Variants in RNF17 observed in about 807,000 individuals in gnomAD.
The protein encoded by RNF17 is ring finger protein 17.
RNF17 carries 31 observed loss-of-function variants against 200.5 expected under a neutral mutation model. The ratio of observed to expected loss-of-function variants is 0.15; its 90% confidence interval spans 0.12 to 0.21. The LOEUF (loss-of-function observed/expected upper bound fraction) is 0.21, where lower values mean the gene tolerates loss of function less well. Among genes scored for constraint, RNF17 ranks in the 10% least tolerant of loss-of-function variants. The pLI is 1.00. For missense variants in RNF17, 1,628 were observed against 1,905.1 expected, an observed-to-expected ratio of 0.85 and a Z score of 2.71; for synonymous variants, 606 against 637.8, an observed-to-expected ratio of 0.95 and a Z score of 0.75.
chr13:24,782,924 G>A (rs935824720), intron 6 of RNF17, among the ~76,000 whole-genome samples: 57 of 151,898 alleles, frequency 3.8e-4, no homozygotes, highest in African/African-American at 1.3e-3. Context: ...CCAGTTTATT[G>A]TTTCTTTTGT....
chr13:24,864,408 T>G (rs1018193602), intron 28 of RNF17, among the ~76,000 whole-genome samples: 3 of 152,184 alleles, frequency 2.0e-5, no homozygotes, highest in Non-Finnish European at 4.4e-5. Context: ...AGGGACACAT[T>G]CAGCACCCAA....
In RNF17 at chr13:24,861,250, G is replaced by A. The variant is rs776374476; in HGVS notation, c.3775-18G>A. On this transcript the variant is annotated intron_variant, in intron 26 of 35. Coordinates refer to ENST00000255324, the MANE Select transcript of RNF17 (RefSeq NM_031277.3). ...TAATAATAAATTTTAACTATAAATT[G>A]TATTTGTCGTGTTTCAGGTACAATA... 1.9e-6 allele frequency: 3 copies of A among 1,559,344 alleles called. No homozygotes were observed. The highest frequency in any genetic ancestry group is 1.4e-5 in the African/African-American group (1 of 71,582).
chr13:24,802,232 G>A (rs1041348072), intron 13 of RNF17, 149 bp from the exon 14 acceptor site: 10 of 586,236 alleles, frequency 1.7e-5, no homozygotes, highest in East Asian at 6.3e-5. Context: ...GAGTCACCAC[G>A]CCCGGCTGCC....
rs566277649 is a variant in RNF17 at position 24,767,275 on chromosome 13, A to G, written c.134A>G (p.His45Arg). Residue 45 changes from histidine (H) to arginine (R), a missense_variant, in exon 2 of 36, where the codon CAC becomes CGC. Physicochemically the swap from His to Arg is conservative, Grantham distance 29 (BLOSUM62 0). This residue lies in a region of RNF17 where 502 missense variants were observed against 501.7 expected (regional missense o/e 1.00). Coordinates refer to ENST00000255324, the MANE Select transcript of RNF17 (RefSeq NM_031277.3). ...CGRRVSRSSG[H>R]HCELQCGHAF... The stretch of plus-strand genomic sequence containing the variant: ...TAATTAAGAATTTCATCAATAGGTC[A>G]CCATTGTGAACTTCAATGTGGACAT... 187 of 1,586,420 alleles carry G rather than the reference A, an allele frequency of 1.2e-4. 1 individual carries two copies. Among genetic ancestry groups the G allele is most frequent in the Middle Eastern group, 5.0e-4 (3 of 5,988 alleles).
intron 22 of RNF17, among the ~76,000 whole-genome samples, chr13:24,849,576 C>T (rs1196715162): frequency 1.3e-5 from 2 of 152,220 alleles, no homozygotes; most frequent in South Asian, 2.1e-4. Context: ...TCAGTTTCAA[C>T]TCTGCAAACT....
downstream of RNF17, among the ~76,000 whole-genome samples, chr13:24,881,872 A>C (rs1161625721): frequency 5.2e-5 from 6 of 115,994 alleles, no homozygotes; most frequent in East Asian, 2.8e-4. Flanking sequence ...ATATAGATAC[A>C]TCTATATAGA....
the RNF17 span, among the ~76,000 whole-genome samples, chr13:24,757,206 T>TCCTTGATTCACA: frequency 0.84 from 128,220 of 152,112 alleles, 54,640 homozygotes; most frequent in East Asian, 1. Flanking sequence ...TACAGAACAG[T>TCCTTGATTCACA]CCTTTCATCC....
In RNF17 at chr13:24,867,053, A is replaced by C. The variant is rs188151185; in HGVS notation, c.4161+850A>C. Among the ~76,000 whole-genome samples the C allele has an allele frequency of 1.5e-3, 223 of 152,052 alleles. 1 individual carries two copies. Among genetic ancestry groups the C allele is most frequent in the Non-Finnish European group, 2.5e-3 (170 of 67,944 alleles). On this transcript the variant is annotated intron_variant, in intron 30 of 35. Coordinates refer to ENST00000255324, the MANE Select transcript of RNF17 (RefSeq NM_031277.3). ...GCATCTTTTCATGTGCCTATTGGATATATATATATATTTTGAGAAATCCCT... is the reference window on the plus strand; with the variant it reads ...GCATCTTTTCATGTGCCTATTGGATCTATATATATATTTTGAGAAATCCCT...
At position 24,781,950 on chromosome 13, in the gene RNF17, T is replaced by C; in HGVS notation, c.611+6T>C. Reference sequence around the variant, plus strand: ...TTGGCTTTTTTTGATTCCAGGTTAGTAACTTAAAAATATGGACTCAATGAA... The same window carrying C: ...TTGGCTTTTTTTGATTCCAGGTTAGCAACTTAAAAATATGGACTCAATGAA... On this transcript the variant is annotated splice_donor_region_variant and intron_variant, in intron 6 of 35. Transcript: ENST00000255324. 6.4e-7 allele frequency: 1 copy of C among 1,558,294 alleles called. No homozygotes were observed. The highest frequency in any genetic ancestry group is 1.7e-5 in the Admixed American group (1 of 59,022).
chr13:24,809,583 A>G (rs867248802), intron 15 of RNF17, among the ~76,000 whole-genome samples: 1 of 152,058 alleles, frequency 6.6e-6, no homozygotes, highest in Admixed American at 6.5e-5. Flanking sequence ...GATCCTTTCA[A>G]AAAACCAGCT....
rs775920986 is a variant in RNF17 at position 24,805,419 on chromosome 13, A to G, written c.2091+990A>G. Among the ~76,000 whole-genome samples the G allele has an allele frequency of 7.2e-5, 11 of 152,142 alleles. No homozygotes were observed. The East Asian group carries it at 1.5e-3, about 21-fold the overall frequency. Reference sequence around the variant, plus strand: ...ACTTTCTGTCTCTATGAAATTGCCTATTCTAGGTACCTCTTAAGTGAAATC... The same window carrying G: ...ACTTTCTGTCTCTATGAAATTGCCTGTTCTAGGTACCTCTTAAGTGAAATC... On this transcript the variant is annotated intron_variant, in intron 15 of 35. Transcript: ENST00000255324.
At chr13:24,885,023 A>C in the RNF17 span, among the ~76,000 whole-genome samples, 1 of 152,214 alleles carries the variant, frequency 6.6e-6, no homozygotes, top group Non-Finnish European at 1.5e-5. Flanking sequence ...GGATCAGTAT[A>C]AGAAAGGCTG....
At chr13:24,831,435 C>T (rs746987977) in intron 17 of RNF17, among the ~76,000 whole-genome samples, 5 of 152,104 alleles carry the variant, frequency 3.3e-5, no homozygotes, top group East Asian at 3.9e-4. Flanking sequence ...GGGCAAGACT[C>T]GGTCTCAAAG....
rs772217466 is a variant in RNF17, at chr13:24,853,062, C to T, written c.3321-793C>T. On this transcript the variant is annotated intron_variant, in intron 24 of 35. Coordinates refer to ENST00000255324, the MANE Select transcript of RNF17 (RefSeq NM_031277.3). ...CCAAGTAGCTGGGATTATAGGCATG[C>T]GCCACCATGCCTGGCTAATTTTTCT... Among the ~76,000 whole-genome samples the T allele has an allele frequency of 6.1e-4, 93 of 152,178 alleles. 1 individual carries two copies. The highest frequency in any genetic ancestry group is 4.4e-3 in the South Asian group (21 of 4,818).
At chr13:24,852,031 G>A (rs946122054) in intron 24 of RNF17, among the ~76,000 whole-genome samples, 3 of 151,886 alleles carry the variant, frequency 2.0e-5, no homozygotes, top group Admixed American at 6.6e-5. Context: ...CAGTATTTAC[G>A]TTTAAAGATC....
intron 32 of RNF17, 86 bp from the exon 33 acceptor site, chr13:24,874,028 G>A (rs1894590075): frequency 2.2e-6 from 3 of 1,348,776 alleles, no homozygotes; most frequent in South Asian, 1.3e-5. Context: ...TGGGGTACAA[G>A]TAGCCCTTTG....
At chr13:24,887,617 CCT>C in the RNF17 span, among the ~76,000 whole-genome samples, 1 of 152,120 alleles carries the variant, frequency 6.6e-6, no homozygotes, top group African/African-American at 2.4e-5. Flanking sequence ...CAGGGCTCCC[CCT>C]GATTCTACAT....
the RNF17 span, among the ~76,000 whole-genome samples, chr13:24,753,785 G>T: frequency 1.3e-5 from 2 of 152,192 alleles, no homozygotes; most frequent in Non-Finnish European, 2.9e-5. Flanking sequence ...TTTTGAGACA[G>T]TCTTGCTCTG....
At chr13:24,819,403 A>G (rs759069232) in intron 15 of RNF17, among the ~76,000 whole-genome samples, 4 of 152,194 alleles carry the variant, frequency 2.6e-5, no homozygotes, top group Non-Finnish European at 4.4e-5. Context: ...GTATGTATAT[A>G]CTGCATTTTA....
Sources: allele counts gnomAD v4.1 joint callset (sites outside exome capture counted in the v4.1 genomes callset), GRCh38; gene constraint gnomAD v4.1.1; regional missense constraint gnomAD v4.1.1; transcripts MANE v1.5; gene names NCBI Gene and HGNC (gene_info 2026-07-23, HGNC 2026-07-21).